The following GLB1L3 variants were observed in gnomAD, a reference collection of about 807,000 sequenced individuals.
The protein encoded by GLB1L3 is galactosidase beta 1 like 3, also known as beta-galactosidase-1-like protein 3.
A neutral mutation model predicts 89.5 loss-of-function variants in GLB1L3; 89 were observed. That is an observed-to-expected ratio of 0.99 (90% CI 0.84 to 1.19). GLB1L3 has a LOEUF of 1.19. GLB1L3 is among the 50% of genes most tolerant of loss of function. The pLI, the probability that GLB1L3 is intolerant of heterozygous loss-of-function variation, is 0.00. For missense variants in GLB1L3, 812 were observed against 813.3 expected, an observed-to-expected ratio of 1.00 and a Z score of 0.02; for synonymous variants, 314 against 312.3, an observed-to-expected ratio of 1.01 and a Z score of -0.06.
chr11:134,304,220 A>G (rs1256599271), intron 9 of GLB1L3, among the ~76,000 whole-genome samples: 1 of 151,950 alleles, frequency 6.6e-6, no homozygotes, highest in Non-Finnish European at 1.5e-5. Flanking sequence ...ATTTTTGTCT[A>G]CTTATGCTGC....
At chr11:134,291,543 A>G (rs867484699) in intron 7 of GLB1L3, among the ~76,000 whole-genome samples, 4 of 152,106 alleles carry the variant, frequency 2.6e-5, no homozygotes, top group Non-Finnish European at 5.9e-5. Flanking sequence ...GGCCTCTCCC[A>G]TGTACTTTAA....
intron 8 of GLB1L3, 79 bp from the exon 9 acceptor site, chr11:134,293,066 C>T (rs929229861): frequency 2.4e-5 from 29 of 1,188,346 alleles, no homozygotes; most frequent in African/African-American, 1.0e-4. Context: ...TGCGTGCGTC[C>T]GGGCCGGGGG....
chr11:134,320,657 T>TA (rs1340972157), downstream of GLB1L3, among the ~76,000 whole-genome samples: 4 of 151,960 alleles, frequency 2.6e-5, no homozygotes, highest in Admixed American at 6.6e-5. Flanking sequence ...ATTCAGAAGA[T>TA]ATAATGCTTT....
intron 9 of GLB1L3, among the ~76,000 whole-genome samples, chr11:134,305,648 A>C (rs1270596740): frequency 2.0e-5 from 3 of 152,218 alleles, no homozygotes; most frequent in African/African-American, 4.8e-5. Context: ...AATTTCACAA[A>C]GAGAAAATAA....
At chr11:134,298,194 A>T (rs552424299) in intron 9 of GLB1L3, among the ~76,000 whole-genome samples, 13 of 152,182 alleles carry the variant, frequency 8.5e-5, no homozygotes, top group Non-Finnish European at 1.5e-4. Flanking sequence ...TTGGTGTTCC[A>T]GGAGATTCTT....
rs1940377753 is a variant in GLB1L3 at position 134,276,544 on chromosome 11, A to AG, written c.-196dup. The AG allele has an allele frequency of 7.2e-6, 3 of 418,628 alleles. No homozygotes were observed. The highest frequency in any genetic ancestry group is 1.2e-5 in the Non-Finnish European group (3 of 248,728). 25.9% of individuals were successfully genotyped at this position (418,628 alleles called of 1,614,324 possible). The stretch of plus-strand genomic sequence containing the variant: ...GAGCTCGGCTGTCCCCGCGGGAGGG[A>AG]GCCCGACGCGCATCCTTGGGACCCG... On this transcript the variant is annotated 5_prime_UTR_variant, in exon 1 of 20. Transcript: ENST00000431683.
At chr11:134,321,058 A>C (rs761145469), downstream of GLB1L3, among the ~76,000 whole-genome samples, 86 of 152,324 alleles carry the variant, frequency 5.6e-4, no homozygotes, top group Admixed American at 2.1e-3. Flanking sequence ...AGAACGTGGA[A>C]TCCAAGAAGG....
chr11:134,283,995 G>A (rs1188842463), intron 6 of GLB1L3, 150 bp downstream of exon 6: 1 of 623,974 alleles, frequency 1.6e-6, no homozygotes, highest in African/African-American at 1.8e-5. Context: ...TTGGCTTGAG[G>A]ACAGAAGCAC....
At chr11:134,311,536 T>A (rs1942735652) in intron 13 of GLB1L3, 1 of 185,326 alleles carries the variant, frequency 5.4e-6, no homozygotes, top group African/African-American at 2.4e-5. Flanking sequence ...GGGCCTGAAC[T>A]TCCTGGGTCA....
chr11:134,283,882 C>T (rs1300747087), intron 6 of GLB1L3, 37 bp downstream of exon 6: 1 of 1,208,658 alleles, frequency 8.3e-7, no homozygotes, highest in Non-Finnish European at 1.2e-6. Context: ...TTCTTACGTG[C>T]CCTTTAGGGA....
Position 134,319,158 on chromosome 11 carries a change from G to A in GLB1L3, c.*216G>A, listed in dbSNP as rs558825751. ...TTTAGTAGAGATGGGGTTTCACCAA[G>A]TTAGCCAGGATGGTCCCAATCTCCT... On this transcript the variant is annotated 3_prime_UTR_variant, in exon 20 of 20. Transcript: ENST00000431683. 3 of 498,624 alleles carry A rather than the reference G, an allele frequency of 6.0e-6. No individual in the cohort carries two copies. The highest frequency in any genetic ancestry group is 4.6e-5 in the South Asian group (2 of 43,496). The allele number at this position is 498,624 out of a possible 1,614,324, so 30.9% of individuals were successfully genotyped here. A position where few individuals can be genotyped will look rare whatever the true frequency, so the allele number is the denominator to read the frequency against.
At chr11:134,321,974 T>C (rs1023292858), downstream of GLB1L3, among the ~76,000 whole-genome samples, 4 of 152,074 alleles carry the variant, frequency 2.6e-5, no homozygotes, top group South Asian at 2.1e-4. Context: ...AATACAGATA[T>C]ATCAGCAACC....
chr11:134,319,523 C>T lies in GLB1L3; in HGVS notation c.*581C>T, dbSNP rs1394058386. ...AGCAGGCTCTTATTCTTTAATTAAA[C>T]GTGCCTTTGAGTAGATGTGAATAAA... On this transcript the variant is annotated 3_prime_UTR_variant, in exon 20 of 20. Coordinates refer to ENST00000431683, the MANE Select transcript of GLB1L3 (RefSeq NM_001080407.3). 2.0e-5 allele frequency: 3 copies of T among 152,082 alleles called. No homozygotes were observed. The highest frequency in any genetic ancestry group is 2.4e-5 in the African/African-American group (1 of 41,466). The allele number at this position is 152,082 out of a possible 1,614,324, so 9.4% of individuals were successfully genotyped here.
At chr11:134,314,728 A>G (rs1299643604) in intron 18 of GLB1L3, among the ~76,000 whole-genome samples, 4 of 152,194 alleles carry the variant, frequency 2.6e-5, no homozygotes, top group Admixed American at 6.5e-5. Flanking sequence ...TCTGCTTCTC[A>G]GAACTCAACA....
chr11:134,312,927 C>G (rs756853246), intron 15 of GLB1L3, 40 bp downstream of exon 15: 21 of 1,344,876 alleles, frequency 1.6e-5, no homozygotes, highest in African/African-American at 7.2e-5. Context: ...CTCGACCCCC[C>G]TCAAATGCAG....
intron 9 of GLB1L3, 74 bp from the exon 10 acceptor site, chr11:134,307,050 T>C: frequency 1.0e-6 from 1 of 992,088 alleles, no homozygotes; most frequent in African/African-American, 1.6e-5. Flanking sequence ...AGTTCCCATC[T>C]ATTGCATTCA....
intron 9 of GLB1L3, among the ~76,000 whole-genome samples, chr11:134,295,117 C>T (rs575729391): frequency 3.6e-4 from 55 of 152,294 alleles, no homozygotes; most frequent in Non-Finnish European, 6.8e-4. Flanking sequence ...ATTAGGATAA[C>T]GCTGGCCTCA....
At position 134,312,871 on chromosome 11, in the gene GLB1L3, A is replaced by G; in HGVS notation, c.1484A>G (p.His495Arg). 6.2e-7 allele frequency: 1 copy of G among 1,607,658 alleles called. No individual in the cohort carries two copies. Among genetic ancestry groups the G allele is most frequent in the Non-Finnish European group, 8.5e-7 (1 of 1,175,232 alleles). Reference protein sequence around the residue: ...GILNENNKDLHIPELRDCRYL... With the variant: ...GILNENNKDLRIPELRDCRYL... ...CTGAATGAGAATAATAAGGACCTGC[A>G]CATTCCTGAACTCAGGGTATGTAAT... The change falls in exon 15 of 20, where the codon CAC (histidine) becomes CGC (arginine). Residue 495 changes from histidine to arginine, a missense_variant. His to Arg is a conservative substitution (Grantham distance 29). This residue lies in a region of GLB1L3 where 618 missense variants were observed against 604.0 expected (regional missense o/e 1.02). Transcript: ENST00000431683.
intron 9 of GLB1L3, 73 bp downstream of exon 9, chr11:134,293,282 T>C: frequency 1.6e-6 from 2 of 1,281,834 alleles, no homozygotes; most frequent in Non-Finnish European, 2.2e-6. Flanking sequence ...TAGCTGGTAT[T>C]CCGTGAAAAC....
Sources: allele counts gnomAD v4.1 joint callset (sites outside exome capture counted in the v4.1 genomes callset), GRCh38; gene constraint gnomAD v4.1.1; regional missense constraint gnomAD v4.1.1; transcripts MANE v1.5; gene names NCBI Gene and HGNC (gene_info 2026-07-23, HGNC 2026-07-21).